SEMA6D: variants seen among roughly 807,000 people sequenced by gnomAD.
SEMA6D encodes the protein semaphorin 6D.
Under a neutral mutation model 106.6 loss-of-function variants are expected in SEMA6D, and 35 were observed. That is an observed-to-expected ratio of 0.33 (90% CI 0.25 to 0.44). SEMA6D has a LOEUF of 0.44. Among genes scored for constraint, SEMA6D ranks in the 20% least tolerant of loss-of-function variants. SEMA6D has a pLI of 1.00. For missense variants in SEMA6D, 1,185 were observed against 1,345.9 expected, an observed-to-expected ratio of 0.88 and a Z score of 1.87; for synonymous variants, 499 against 487.7, an observed-to-expected ratio of 1.02 and a Z score of -0.31.
chr15:47,434,034 T>C (rs2140611010), intron 2 of SEMA6D, among the ~76,000 whole-genome samples: 1 of 152,202 alleles, frequency 6.6e-6, no homozygotes, highest in African/African-American at 2.4e-5. Context: ...AAAAGTTGGC[T>C]AAAATCATAA....
At chr15:47,492,955 TC>T (rs1393660719) in intron 3 of SEMA6D, among the ~76,000 whole-genome samples, 2 of 151,986 alleles carry the variant, frequency 1.3e-5, no homozygotes, top group Admixed American at 1.3e-4. Context: ...GTTACCAAGG[TC>T]CTCTGAGCAG....
chr15:47,711,179 G>A (rs1197157220), intron 4 of SEMA6D, among the ~76,000 whole-genome samples: 38 of 150,886 alleles, frequency 2.5e-4, no homozygotes, highest in Admixed American at 2.0e-3. Context: ...GCGTAGTGGC[G>A]GGCGCCTGTA....
intron 4 of SEMA6D, among the ~76,000 whole-genome samples, chr15:47,646,230 C>G (rs2077580473): frequency 6.6e-6 from 1 of 152,126 alleles, no homozygotes; most frequent in Admixed American, 6.5e-5. Context: ...AGCCACCAGT[C>G]TTTCATTAGC....
chr15:47,717,990 C>A (rs1278186426), intron 1 of SEMA6D, among the ~76,000 whole-genome samples: 3 of 152,090 alleles, frequency 2.0e-5, no homozygotes, highest in African/African-American at 7.2e-5. Context: ...GCAAAGCTGG[C>A]GGCTTAGGGG....
chr15:47,387,517 T>C (rs113877828), intron 1 of SEMA6D, among the ~76,000 whole-genome samples: 1,694 of 152,246 alleles, frequency 0.011, 40 homozygotes, highest in African/African-American at 0.038. Flanking sequence ...TGTTGTCAGG[T>C]TTAAATGAAT....
intron 6 of SEMA6D, 86 bp downstream of exon 6, chr15:47,761,517 T>C: frequency 7.6e-7 from 1 of 1,309,982 alleles, no homozygotes; most frequent in Non-Finnish European, 1.1e-6. Context: ...CTTTCTGCTT[T>C]CCAGTAATTT....
At chr15:47,232,363 G>A (rs903994571) in intron 1 of SEMA6D, among the ~76,000 whole-genome samples, 3 of 151,930 alleles carry the variant, frequency 2.0e-5, no homozygotes, top group African/African-American at 7.2e-5. Flanking sequence ...ATATACCTGG[G>A]AGTGGAATTG....
chr15:47,594,144 A>G (rs2076494519), intron 3 of SEMA6D, among the ~76,000 whole-genome samples: 2 of 152,222 alleles, frequency 1.3e-5, no homozygotes, highest in South Asian at 2.1e-4. Context: ...CTTAAACACT[A>G]TGAAAGATAA....
At chr15:47,462,262 T>C (rs930589677) in intron 2 of SEMA6D, among the ~76,000 whole-genome samples, 1 of 152,086 alleles carries the variant, frequency 6.6e-6, no homozygotes, top group Non-Finnish European at 1.5e-5. Context: ...TTTAAGTCAT[T>C]ATGACTCGTT....
chr15:47,528,898 CTAT>C (rs1398377343), intron 3 of SEMA6D, among the ~76,000 whole-genome samples: 1 of 152,196 alleles, frequency 6.6e-6, no homozygotes, highest in Non-Finnish European at 1.5e-5. Context: ...TAATAGCCTA[CTAT>C]TGTCTGAAGT....
intron 1 of SEMA6D, among the ~76,000 whole-genome samples, chr15:47,325,146 C>T (rs925957707): frequency 6.8e-6 from 1 of 147,852 alleles, no homozygotes; most frequent in Non-Finnish European, 1.5e-5. Flanking sequence ...AAAATAAGAG[C>T]ACAGGGTGAA....
chr15:47,561,394 CA>C (rs920757106), intron 3 of SEMA6D, among the ~76,000 whole-genome samples: 3 of 151,854 alleles, frequency 2.0e-5, no homozygotes, highest in African/African-American at 7.3e-5. Flanking sequence ...AACCATCCTT[CA>C]AAAATGAAGG....
chr15:47,349,185 A>T (rs1467435561), intron 1 of SEMA6D, among the ~76,000 whole-genome samples: 1 of 151,836 alleles, frequency 6.6e-6, no homozygotes, highest in African/African-American at 2.4e-5. Flanking sequence ...TGCTTCTCCC[A>T]TGCAGAAGGG....
chr15:47,525,710 G>A (rs2044732931), intron 3 of SEMA6D, among the ~76,000 whole-genome samples: 1 of 152,122 alleles, frequency 6.6e-6, no homozygotes, highest in African/African-American at 2.4e-5. Flanking sequence ...GATTCAAAAT[G>A]CTCTCAGAGG....
intron 4 of SEMA6D, among the ~76,000 whole-genome samples, chr15:47,627,821 C>T (rs1432875001): frequency 6.6e-6 from 1 of 152,002 alleles, no homozygotes. Context: ...CCTCCTATTA[C>T]CCTTCTATAG....
chr15:47,282,777 G>C (rs1463647751), intron 1 of SEMA6D, among the ~76,000 whole-genome samples: 1 of 152,104 alleles, frequency 6.6e-6, no homozygotes, highest in Non-Finnish European at 1.5e-5. Context: ...TGCCTTGTCT[G>C]TGTCTTTCCT....
intron 1 of SEMA6D, among the ~76,000 whole-genome samples, chr15:47,228,192 C>A (rs2031937645): frequency 6.9e-6 from 1 of 145,014 alleles, no homozygotes. Flanking sequence ...GTTACTTTAA[C>A]TTATTGATGG....
chr15:47,473,838 C>T (rs952098962), intron 3 of SEMA6D, among the ~76,000 whole-genome samples: 3 of 152,078 alleles, frequency 2.0e-5, no homozygotes, highest in African/African-American at 7.2e-5. Context: ...CTCCTTCTTT[C>T]CCCTTGGACT....
intron 1 of SEMA6D, among the ~76,000 whole-genome samples, chr15:47,401,957 C>T (rs965047514): frequency 3.9e-5 from 6 of 152,076 alleles, no homozygotes; most frequent in African/African-American, 1.4e-4. Context: ...TGATTGTTGC[C>T]TCCCAAGCCA....
Sources: allele counts gnomAD v4.1 joint callset (sites outside exome capture counted in the v4.1 genomes callset), GRCh38; gene constraint gnomAD v4.1.1; transcripts MANE v1.5; gene names NCBI Gene and HGNC (gene_info 2026-07-23, HGNC 2026-07-21).